Variants in EHD3 observed in about 807,000 individuals in gnomAD.
EHD3 encodes EH domain containing 3.
EHD3 carries 17 observed loss-of-function variants against 43.0 expected under a neutral mutation model. The observed-to-expected ratio is 0.40, with a 90% confidence interval of 0.27 to 0.59. The LOEUF (loss-of-function observed/expected upper bound fraction) is 0.59. Ranked by LOEUF, EHD3 falls within the 20% of genes least tolerant of loss-of-function variation. The pLI, the probability that EHD3 is intolerant of heterozygous loss-of-function variation, is 0.49. For synonymous variants in EHD3, 313 were observed against 289.5 expected (o/e 1.08, Z -0.82); for missense variants, 594 against 705.6 (o/e 0.84, Z 1.79).
intron 1 of EHD3, among the ~76,000 whole-genome samples, chr2:31,242,841 TCCCA>T: frequency 6.6e-6 from 1 of 152,156 alleles, no homozygotes; most frequent in South Asian, 2.1e-4. Flanking sequence ...CTGCCTGTAA[TCCCA>T]GCTACTCGGG....
intron 5 of EHD3, 111 bp downstream of exon 5, chr2:31,261,824 G>GTTTTTTTTTTT: frequency 1.5e-6 from 2 of 1,309,092 alleles, no homozygotes; most frequent in Non-Finnish European, 2.1e-6. Context: ...ACCCCGCCCA[G>GTTTTTTTTTTT]AATCTGCAGG....
intron 2 of EHD3, among the ~76,000 whole-genome samples, chr2:31,244,727 G>T (rs1297621704): frequency 6.6e-6 from 1 of 152,174 alleles, no homozygotes; most frequent in East Asian, 1.9e-4. Context: ...CCTACCCCTA[G>T]TAAAAGTGGA....
intron 1 of EHD3, among the ~76,000 whole-genome samples, chr2:31,239,576 C>T (rs777208986): frequency 3.9e-5 from 6 of 152,186 alleles, no homozygotes; most frequent in African/African-American, 1.2e-4. Context: ...GACAGTGGGA[C>T]GAAGGCCATG....
chr2:31,258,454 C>T (rs1356625758), intron 3 of EHD3, among the ~76,000 whole-genome samples: 5 of 152,148 alleles, frequency 3.3e-5, no homozygotes, highest in African/African-American at 7.2e-5. Context: ...CCTCATCCCC[C>T]ACCCCATCGA....
At chr2:31,244,527 C>A in intron 2 of EHD3, 77 bp downstream of exon 2, 1 of 1,509,428 alleles carries the variant, frequency 6.6e-7, no homozygotes, top group Non-Finnish European at 9.0e-7. Flanking sequence ...GAACAGTAGG[C>A]AGGGTCTTGG....
chr2:31,261,200 G>A (rs1184928577), intron 4 of EHD3, among the ~76,000 whole-genome samples: 2 of 152,184 alleles, frequency 1.3e-5, no homozygotes, highest in Non-Finnish European at 2.9e-5. Flanking sequence ...GTTGTTGGAG[G>A]ATAAAGTGAA....
chr2:31,236,924 T>A (rs1683335271), intron 1 of EHD3, among the ~76,000 whole-genome samples: 1 of 152,212 alleles, frequency 6.6e-6, no homozygotes, highest in African/African-American at 2.4e-5. Flanking sequence ...TCTAAGAAAG[T>A]GGCAGAGTCA....
chr2:31,242,426 A>T (rs1258556704), intron 1 of EHD3, among the ~76,000 whole-genome samples: 2 of 152,232 alleles, frequency 1.3e-5, no homozygotes, highest in Non-Finnish European at 2.9e-5. Context: ...AAACACATTT[A>T]AAAACATAGC....
intron 5 of EHD3, among the ~76,000 whole-genome samples, chr2:31,264,554 GA>G (rs1660931212): frequency 4.9e-5 from 1 of 20,502 alleles, no homozygotes; most frequent in African/African-American, 2.4e-4. Flanking sequence ...TTTTTTTTTT[GA>G]TACAGAGTCT....
At position 31,234,556 on chromosome 2, in the gene EHD3, G is replaced by C. The variant is rs954391177; in HGVS notation, c.-66G>C. The stretch of plus-strand genomic sequence containing the variant: ...TCGGAGCCCGGCGGACCGGTCCTAC[G>C]GGACATCTTCCCCTGAGGAGGAGTC... On this transcript the variant is annotated 5_prime_UTR_variant, in exon 1 of 6. Transcript: ENST00000322054. The C allele has an allele frequency of 1.3e-5, 20 of 1,572,776 alleles. No homozygotes were observed. Among genetic ancestry groups the C allele is most frequent in the African/African-American group, 2.7e-5 (2 of 74,290 alleles).
intron 1 of EHD3, among the ~76,000 whole-genome samples, chr2:31,236,191 T>C (rs548081477): frequency 3.9e-5 from 6 of 152,354 alleles, no homozygotes; most frequent in East Asian, 1.9e-4. Flanking sequence ...AGGTCATGTC[T>C]AAACACAACA....
At chr2:31,239,336 G>T (rs1387355333) in intron 1 of EHD3, among the ~76,000 whole-genome samples, 3 of 152,182 alleles carry the variant, frequency 2.0e-5, no homozygotes, top group Non-Finnish European at 2.9e-5. Context: ...GTCTGATAGG[G>T]TTCTGATCTG....
chr2:31,246,942 G>T (rs1226581557), intron 2 of EHD3, among the ~76,000 whole-genome samples: 1 of 151,706 alleles, frequency 6.6e-6, no homozygotes, highest in African/African-American at 2.4e-5. Flanking sequence ...TGTCGCCCAG[G>T]CTGAAGTGCA....
chr2:31,234,837 C>T lies in EHD3; in HGVS notation c.216C>T (p.Thr72=). The change falls in exon 1 of 6, where the codon ACC becomes ACT. Residue 72 remains threonine, a synonymous_variant. Transcript: ENST00000322054. Reference sequence around the variant, plus strand: ...TGGGCCAGTACTCCACTGGGAAGACCACCTTCATCAGGTGAGCCGGCCCAG... The same window carrying T: ...TGGGCCAGTACTCCACTGGGAAGACTACCTTCATCAGGTGAGCCGGCCCAG... The part of the protein sequence containing the change: ...LLVGQYSTGK[T]TFIRYLLEQD... 7 of 1,614,106 alleles carry T rather than the reference C, an allele frequency of 4.3e-6. No homozygotes were observed. Among genetic ancestry groups the T allele is most frequent in the Non-Finnish European group, 5.9e-6 (7 of 1,180,004 alleles).
intron 5 of EHD3, among the ~76,000 whole-genome samples, chr2:31,263,478 C>T (rs1403901367): frequency 1.3e-5 from 2 of 152,166 alleles, no homozygotes; most frequent in Admixed American, 1.3e-4. Flanking sequence ...GAGCACCCAC[C>T]ATGCCCCCTA....
In EHD3 at chr2:31,266,783, C is replaced by A; in HGVS notation, c.*79C>A. ...GACTACACACACACACACACACACA[C>A]ACACACACACAAACATGCACACACA... On this transcript the variant is annotated 3_prime_UTR_variant, in exon 6 of 6. Transcript: ENST00000322054. The surrounding 1 kb of genome is among the most constrained non-coding windows in gnomAD (Gnocchi z 5.1). The A allele has an allele frequency of 7.2e-7, 1 of 1,387,976 alleles. No homozygotes were observed. Among genetic ancestry groups the A allele is most frequent in the Non-Finnish European group, 9.8e-7 (1 of 1,024,304 alleles). The allele number at this position is 1,387,976 out of a possible 1,614,324, so 86.0% of individuals were successfully genotyped here.
intron 3 of EHD3, among the ~76,000 whole-genome samples, chr2:31,250,230 G>A (rs1683608287): frequency 6.6e-6 from 1 of 151,722 alleles, no homozygotes; most frequent in South Asian, 2.1e-4. Flanking sequence ...TAGTAACCAT[G>A]AGGGATTATA....
At chr2:31,263,620 G>T (rs1317637614) in intron 5 of EHD3, among the ~76,000 whole-genome samples, 2 of 152,198 alleles carry the variant, frequency 1.3e-5, no homozygotes, top group Non-Finnish European at 2.9e-5. Flanking sequence ...ATAGGGCCCT[G>T]TCTGCTCCTC....
chr2:31,249,440 C>T lies in EHD3; in HGVS notation c.474C>T (p.Leu158=), dbSNP rs1357136317. The T allele has an allele frequency of 2.2e-5, 36 of 1,614,036 alleles. No individual in the cohort carries two copies. Among genetic ancestry groups the T allele is most frequent in the Non-Finnish European group, 3.0e-5 (35 of 1,180,020 alleles). Residue 158 remains leucine (L), a synonymous_variant, in exon 3 of 6, where the codon CTC becomes CTT. Coordinates refer to ENST00000322054, the MANE Select transcript of EHD3 (RefSeq NM_014600.3). ...GCGTCATCGACACACCAGGGATCCT[C>T]TCTGGGGAGAAGCAGAGGATCAGCC... is the stretch of plus-strand genomic sequence containing the variant. ...SISVIDTPGI[L]SGEKQRISRG...
Sources: allele counts gnomAD v4.1 joint callset (sites outside exome capture counted in the v4.1 genomes callset), GRCh38; gene constraint gnomAD v4.1.1; non-coding constraint Gnocchi (gnomAD v3.1); transcripts MANE v1.5; gene names NCBI Gene and HGNC (gene_info 2026-07-23, HGNC 2026-07-21).